Variants in NECTIN1 observed in about 807,000 individuals in gnomAD.
NECTIN1 encodes the protein nectin-1.
NECTIN1 carries 23 observed loss-of-function variants against 48.0 expected under a neutral mutation model. The observed-to-expected ratio is 0.48, with a 90% CI of 0.34 to 0.68. The LOEUF is 0.68. Among genes scored for constraint, NECTIN1 ranks in the 30% least tolerant of loss-of-function variants. NECTIN1 has a pLI of 0.01. For missense variants in NECTIN1, 591 were observed against 709.9 expected, an observed-to-expected ratio of 0.83 and a Z score of 1.90; for synonymous variants, 270 against 288.9, an observed-to-expected ratio of 0.93 and a Z score of 0.66.
exon 8 of NECTIN1, chr11:119,638,102 G>A (rs780010450): frequency 1.3e-5 from 21 of 1,612,098 alleles, no homozygotes; most frequent in South Asian, 5.5e-5. Flanking sequence ...CCTGGGCTAG[G>A]GGCACTCTCC....
rs919331702 is a variant in NECTIN1 at position 119,693,828 on chromosome 11, G to A, written c.80-15063C>T. ...TAGTAGGGGCCCTCCATGTTGCAGC[G>A]CTGACTCCTGCTTTCATTTTTAATG... On this transcript the variant is annotated intron_variant, in intron 1 of 5. Coordinates refer to ENST00000264025, the MANE Select transcript of NECTIN1 (RefSeq NM_002855.5). Among the ~76,000 whole-genome samples the A allele has an allele frequency of 5.9e-5, 9 of 152,266 alleles. No individual in the cohort carries two copies. In the East Asian group the frequency reaches 9.7e-4, roughly 16 times the overall value.
chr11:119,676,546 C>T (rs1256764714), intron 4 of NECTIN1, among the ~76,000 whole-genome samples: 4 of 152,342 alleles, frequency 2.6e-5, no homozygotes, highest in African/African-American at 9.6e-5. Flanking sequence ...GCTGTCAGAG[C>T]CGGCTGGAGG....
intron 1 of NECTIN1, chr11:119,713,657 A>C (rs1457910251): frequency 2.1e-5 from 7 of 334,136 alleles, no homozygotes; most frequent in South Asian, 1.5e-4. Context: ...GGGTGACAGG[A>C]AAGAATGGGA....
In NECTIN1 at chr11:119,654,401, G is replaced by A. The variant is rs1864537681; in HGVS notation, c.1004-14389C>T. Among the ~76,000 whole-genome samples the A allele has an allele frequency of 2.0e-5, 3 of 152,230 alleles. No homozygotes were observed. The South Asian group carries it at 6.2e-4, about 32-fold the overall frequency. On this transcript the variant is annotated intron_variant, in intron 5 of 7. Transcript: ENST00000341398. ...GTCAGATGGGTTGGCTGTGCCCACT[G>A]TGTAAGAGGGGGTAGGCCAGGTTCA...
At position 119,678,023 on chromosome 11, in the gene NECTIN1, G is replaced by A. The variant is rs1258330556; in HGVS notation, c.431-166C>T. On this transcript the variant is annotated intron_variant, in intron 2 of 5. Coordinates refer to ENST00000264025, the MANE Select transcript of NECTIN1 (RefSeq NM_002855.5). The surrounding 1 kb of genome is among the most constrained non-coding windows in gnomAD (Gnocchi z 4.4). Reference sequence around the variant, plus strand: ...ACTGTCCCAGAACCTCTTGCAGGAAGTTCATCATGTCTAACGTTATGTCCT... The same window carrying A: ...ACTGTCCCAGAACCTCTTGCAGGAAATTCATCATGTCTAACGTTATGTCCT... 9.2e-5 allele frequency among the ~76,000 whole-genome samples: 14 copies of A among 152,302 alleles called. No individual in the cohort carries two copies. The South Asian group carries it at 1.4e-3, about 16-fold the overall frequency.
At position 119,727,729 on chromosome 11, in the gene NECTIN1, G is replaced by A. The variant is rs1157644030; in HGVS notation, c.79+746C>T. On this transcript the variant is annotated intron_variant, in intron 1 of 5. Transcript: ENST00000264025. This position sits in a 1 kb window ranked among gnomAD's most constrained non-coding sequence, Gnocchi z 4.1. ...GCCGGCAGCCCGCACCTCGAGGAAG[G>A]ACACGCGGGGCACCCTCGGGAAAGT... Among the ~76,000 whole-genome samples, 1 of 152,208 alleles carries A rather than the reference G, an allele frequency of 6.6e-6. No individual in the cohort carries two copies. The highest frequency in any genetic ancestry group is 2.4e-5 in the African/African-American group (1 of 41,436).
At chr11:119,680,899 G>A (rs1019016701) in intron 1 of NECTIN1, among the ~76,000 whole-genome samples, 2 of 152,244 alleles carry the variant, frequency 1.3e-5, no homozygotes, top group African/African-American at 2.4e-5. Flanking sequence ...ATCCAGCCAC[G>A]AGTTGGGAAG....
chr11:119,680,280 T>G (rs994502462), intron 1 of NECTIN1, among the ~76,000 whole-genome samples: 1 of 152,208 alleles, frequency 6.6e-6, no homozygotes, highest in Non-Finnish European at 1.5e-5. Flanking sequence ...TCCTGAGTCC[T>G]GCAACTCCCC....
At chr11:119,652,008 G>T (rs902761761) in intron 5 of NECTIN1, among the ~76,000 whole-genome samples, 10 of 152,096 alleles carry the variant, frequency 6.6e-5, no homozygotes, top group African/African-American at 2.4e-4. Context: ...CCAGCCCCCT[G>T]CCTCCTAGTC....
intron 5 of NECTIN1, among the ~76,000 whole-genome samples, chr11:119,643,550 C>T (rs1591435822): frequency 6.6e-6 from 1 of 152,326 alleles, no homozygotes; most frequent in East Asian, 1.9e-4. Flanking sequence ...CCTGCCATCC[C>T]CCTTTTCATC....
intron 5 of NECTIN1, among the ~76,000 whole-genome samples, chr11:119,650,526 G>T (rs1864473668): frequency 6.6e-6 from 1 of 152,210 alleles, no homozygotes; most frequent in Non-Finnish European, 1.5e-5. Context: ...ACTTGTATGG[G>T]GCCTGGGATC....
intron 5 of NECTIN1, among the ~76,000 whole-genome samples, chr11:119,648,242 T>A (rs954291426): frequency 1.0e-4 from 11 of 105,376 alleles, no homozygotes; most frequent in African/African-American, 3.5e-4. Context: ...GTGGTGATAG[T>A]GGTGGTGATA....
intron 1 of NECTIN1, among the ~76,000 whole-genome samples, chr11:119,724,084 G>A (rs1030180803): frequency 6.6e-6 from 1 of 152,162 alleles, no homozygotes; most frequent in African/African-American, 2.4e-5. Context: ...GGCACACACA[G>A]CTCTGCAGGG....
chr11:119,708,117 G>T (rs886815966), intron 1 of NECTIN1, among the ~76,000 whole-genome samples: 3 of 152,232 alleles, frequency 2.0e-5, no homozygotes, highest in Non-Finnish European at 4.4e-5. Context: ...GAGTGATTCT[G>T]TCTGAAGGTG....
Position 119,678,293 on chromosome 11 carries a change from A to C in NECTIN1, c.430+122T>G. ...AGAAGGGACTGGAAGCCTCATGCCT[A>C]GAATGATGGCAGCATGCCCACCCAA... On this transcript the variant is annotated intron_variant, in intron 2 of 5. Coordinates refer to ENST00000264025, the MANE Select transcript of NECTIN1 (RefSeq NM_002855.5). This position sits in a 1 kb window ranked among gnomAD's most constrained non-coding sequence, Gnocchi z 4.4. 1.1e-6 allele frequency: 1 copy of C among 945,968 alleles called. No individual in the cohort carries two copies. Among genetic ancestry groups the C allele is most frequent in the Non-Finnish European group, 1.7e-6 (1 of 585,166 alleles). The allele number at this position is 945,968 out of a possible 1,614,324, so 58.6% of individuals were successfully genotyped here.
chr11:119,724,463 T>C (rs1388410197), intron 1 of NECTIN1, among the ~76,000 whole-genome samples: 3 of 152,126 alleles, frequency 2.0e-5, no homozygotes, highest in Non-Finnish European at 4.4e-5. Flanking sequence ...GGAAGCATCA[T>C]AGAGGCTTCC....
At position 119,662,158 on chromosome 11, in the gene NECTIN1, CAGA is replaced by C. The variant is rs1183600833; in HGVS notation, c.*2586_*2588del. On this transcript the variant is annotated 3_prime_UTR_variant, in exon 6 of 6. Transcript: ENST00000264025. This position sits in a 1 kb window ranked among gnomAD's most constrained non-coding sequence, Gnocchi z 5.3. ...CAAGTTTATTTCATTTCCAGCAAAG[CAGA>C]AGCTCAGCTCATGCTGTGGGCATGA... 3.0e-6 allele frequency: 3 copies of C among 985,346 alleles called. No homozygotes were observed. Among genetic ancestry groups the C allele is most frequent in the Admixed American group, 6.1e-5 (1 of 16,268 alleles). 61.0% of individuals were successfully genotyped at this position (985,346 alleles called of 1,614,324 possible). A position where few individuals can be genotyped will look rare whatever the true frequency, so the allele number is the denominator to read the frequency against.
chr11:119,640,257 T>C, intron 5 of NECTIN1: 1 of 563,312 alleles, frequency 1.8e-6, no homozygotes, highest in Non-Finnish European at 3.2e-6. Flanking sequence ...ATCTGGGGCA[T>C]GGAGGTAGAA....
Position 119,661,839 on chromosome 11 carries a change from T to C in NECTIN1, c.*2908A>G. 1.0e-6 allele frequency: 1 copy of C among 985,258 alleles called. No homozygotes were observed. The highest frequency in any genetic ancestry group is 4.7e-5 in the South Asian group (1 of 21,270). The allele number at this position is 985,258 out of a possible 1,614,324, so 61.0% of individuals were successfully genotyped here. Reference sequence around the variant, plus strand: ...CCATCTGGCTGTGCATGCATGCGTGTGTACATGCGTGTACACATGCCTGCG... The same window carrying C: ...CCATCTGGCTGTGCATGCATGCGTGCGTACATGCGTGTACACATGCCTGCG... On this transcript the variant is annotated 3_prime_UTR_variant, in exon 6 of 6. Transcript: ENST00000264025.
Sources: allele counts gnomAD v4.1 joint callset (sites outside exome capture counted in the v4.1 genomes callset), GRCh38; gene constraint gnomAD v4.1.1; non-coding constraint Gnocchi (gnomAD v3.1); transcripts MANE v1.5; gene names NCBI Gene and HGNC (gene_info 2026-07-23, HGNC 2026-07-21).